WFDC11: variants seen among roughly 807,000 people sequenced by gnomAD.
WFDC11 encodes the protein WAP four-disulfide core domain 11.
WFDC11 carries 9 observed loss-of-function variants against 9.9 expected under a neutral mutation model. That is an observed-to-expected ratio of 0.91 (90% CI 0.55 to 1.58). The LOEUF is 1.58. Ranked by LOEUF, WFDC11 falls within the 40% of genes most tolerant of loss-of-function variation. The pLI is 0.00. For synonymous variants in WFDC11, 32 were observed against 33.3 expected, an observed-to-expected ratio of 0.96 and a Z score of 0.13; for missense variants, 106 against 101.7, an observed-to-expected ratio of 1.04 and a Z score of -0.18.
chr20:45,662,719 C>T (rs988468018), intron 2 of WFDC11, among the ~76,000 whole-genome samples: 3 of 152,086 alleles, frequency 2.0e-5, no homozygotes, highest in Non-Finnish European at 2.9e-5. Context: ...TGATGGATTA[C>T]GTTTATTGAT....
chr20:45,667,238 G>A (rs965205424), intron 1 of WFDC11, 69 bp from the exon 2 acceptor site: 1 of 152,202 alleles, frequency 6.6e-6, no homozygotes, highest in Non-Finnish European at 1.5e-5. Context: ...TCTGGTTGTG[G>A]CAGATCTGTA....
chr20:45,658,650 C>T (rs1398648148), intron 2 of WFDC11, among the ~76,000 whole-genome samples: 1 of 151,862 alleles, frequency 6.6e-6, no homozygotes, highest in African/African-American at 2.4e-5. Context: ...TTTCAAAGAA[C>T]CAGCTTTTTG....
chr20:45,668,366 C>T (rs1415968623), intron 1 of WFDC11, among the ~76,000 whole-genome samples: 1 of 152,060 alleles, frequency 6.6e-6, no homozygotes, highest in Admixed American at 6.6e-5. Context: ...GTAGATTGTC[C>T]TAACATTTTC....
chr20:45,650,965 A>G (rs1463414428), intron 2 of WFDC11, among the ~76,000 whole-genome samples: 9 of 152,228 alleles, frequency 5.9e-5, no homozygotes, highest in Non-Finnish European at 1.3e-4. Flanking sequence ...TTTGTTACAC[A>G]GGAAAACTTG....
At chr20:45,651,493 A>C (rs544056123) in intron 2 of WFDC11, among the ~76,000 whole-genome samples, 23 of 152,198 alleles carry the variant, frequency 1.5e-4, no homozygotes, top group African/African-American at 5.1e-4. Context: ...GCTGAATAGG[A>C]ACAGCTCCAG....
intron 2 of WFDC11, among the ~76,000 whole-genome samples, chr20:45,651,519 G>A (rs936001707): frequency 1.3e-5 from 2 of 152,144 alleles, no homozygotes; most frequent in African/African-American, 2.4e-5. Context: ...AGCTCCCAGC[G>A]TGAGCGACAC....
At chr20:45,651,324 T>C (rs972956886) in intron 2 of WFDC11, among the ~76,000 whole-genome samples, 2 of 152,224 alleles carry the variant, frequency 1.3e-5, no homozygotes, top group Non-Finnish European at 2.9e-5. Context: ...CAAAAGGCAA[T>C]ATACATCCAG....
chr20:45,650,438 C>T (rs1982781277), intron 3 of WFDC11, 63 bp downstream of exon 3: 2 of 1,371,160 alleles, frequency 1.5e-6, no homozygotes, highest in South Asian at 2.4e-5. Context: ...ATGAAACCCC[C>T]TCCCTTGTTC....
Position 45,650,503 on chromosome 20 carries a change from T to C in WFDC11, c.98A>G (p.Asp33Gly). ...CCTAATCCAGCCTCACCACCTACTG[T>C]CATATCTTTTCTTCCTCATTTCTCC... is the stretch of plus-strand genomic sequence containing the variant. ...VLGEMRKKRY[D>G]RKELLLEECW... The change falls in exon 3 of 5, where the codon GAC becomes GGC. Residue 33 changes from aspartate (D) to glycine (G), a missense_variant and splice_region_variant. Asp to Gly is a moderately conservative substitution (Grantham distance 94). Coordinates refer to ENST00000324384, the MANE Select transcript of WFDC11 (RefSeq NM_147197.2). The C allele has an allele frequency of 6.2e-7, 1 of 1,613,530 alleles. No homozygotes were observed. Among genetic ancestry groups the C allele is most frequent in the Non-Finnish European group, 8.5e-7 (1 of 1,179,680 alleles).
At chr20:45,658,868 C>T (rs1030525180) in intron 2 of WFDC11, among the ~76,000 whole-genome samples, 1 of 151,788 alleles carries the variant, frequency 6.6e-6, no homozygotes, top group Admixed American at 6.6e-5. Context: ...CTATCCCTCC[C>T]CCACATCCCC....
intron 2 of WFDC11, among the ~76,000 whole-genome samples, chr20:45,659,898 A>C (rs1983018282): frequency 6.6e-6 from 1 of 152,122 alleles, no homozygotes; most frequent in African/African-American, 2.4e-5. Context: ...GTATAAGGTT[A>C]AGAAAAGGAT....
chr20:45,657,615 G>A (rs1982965248), intron 2 of WFDC11, among the ~76,000 whole-genome samples: 2 of 151,974 alleles, frequency 1.3e-5, no homozygotes, highest in South Asian at 4.1e-4. Flanking sequence ...GTTGTCTGCA[G>A]TGGTTTCACT....
At chr20:45,663,046 G>A (rs183437697) in intron 2 of WFDC11, among the ~76,000 whole-genome samples, 1 of 152,210 alleles carries the variant, frequency 6.6e-6, no homozygotes, top group Non-Finnish European at 1.5e-5. Context: ...AATCTCTCTG[G>A]TCCTGGACTT....
intron 2 of WFDC11, among the ~76,000 whole-genome samples, chr20:45,656,950 T>C (rs1248398570): frequency 1.3e-5 from 2 of 152,128 alleles, no homozygotes. Flanking sequence ...CTGGAGAGGA[T>C]GTGGAGAAAT....
chr20:45,660,575 C>G (rs1400447320), intron 2 of WFDC11, among the ~76,000 whole-genome samples: 1 of 152,112 alleles, frequency 6.6e-6, no homozygotes, highest in Admixed American at 6.6e-5. Flanking sequence ...CTCTCCCCAC[C>G]CCACAACAGT....
At position 45,650,662 on chromosome 20, in the gene WFDC11, A is replaced by C; in HGVS notation, c.-51-11T>G. On this transcript the variant is annotated splice_polypyrimidine_tract_variant and intron_variant, in intron 2 of 4. Transcript: ENST00000324384. ...TCTTCCCAGTCGCTGCTAGAGATCA[A>C]GACATATAAATAGGGAAAGAGAGGT... 7.3e-7 allele frequency: 1 copy of C among 1,372,028 alleles called. No homozygotes were observed. The highest frequency in any genetic ancestry group is 1.0e-6 in the Non-Finnish European group (1 of 961,396). The allele number at this position is 1,372,028 out of a possible 1,614,324, so 85.0% of individuals were successfully genotyped here. A position where few individuals can be genotyped will look rare whatever the true frequency, so the allele number is the denominator to read the frequency against.
intron 2 of WFDC11, among the ~76,000 whole-genome samples, chr20:45,655,974 G>C (rs917050570): frequency 1.3e-5 from 2 of 152,110 alleles, no homozygotes; most frequent in Non-Finnish European, 2.9e-5. Flanking sequence ...CTCATGGCTA[G>C]GAAGAATCAA....
At chr20:45,660,590 A>G (rs1390852236) in intron 2 of WFDC11, among the ~76,000 whole-genome samples, 2 of 151,986 alleles carry the variant, frequency 1.3e-5, no homozygotes, top group Non-Finnish European at 2.9e-5. Flanking sequence ...AACAGTCCCC[A>G]GAGTGTGATG....
chr20:45,665,954 G>T (rs1290290627), intron 2 of WFDC11, among the ~76,000 whole-genome samples: 5 of 152,206 alleles, frequency 3.3e-5, no homozygotes, highest in African/African-American at 9.7e-5. Context: ...GCTCTCTTCA[G>T]AGCTGTCAGA....
Sources: allele counts gnomAD v4.1 joint callset (sites outside exome capture counted in the v4.1 genomes callset), GRCh38; gene constraint gnomAD v4.1.1; transcripts MANE v1.5; gene names NCBI Gene and HGNC (gene_info 2026-07-23, HGNC 2026-07-21).